Variants in CCDC172 observed in about 807,000 individuals in gnomAD.
CCDC172 encodes the protein coiled-coil domain containing 172.
In CCDC172, 30 loss-of-function variants were observed where a neutral mutation model predicts 38.0. The ratio of observed to expected loss-of-function variants is 0.79; its 90% CI spans 0.59 to 1.07. The LOEUF (loss-of-function observed/expected upper bound fraction) is 1.07, where lower values mean the gene tolerates loss of function less well. Ranked by LOEUF, CCDC172 falls within the 50% of genes least tolerant of loss-of-function variation. The pLI is 0.00. For missense variants in CCDC172, 297 were observed against 290.1 expected (o/e 1.02, Z -0.17); for synonymous variants, 78 against 88.3 (o/e 0.88, Z 0.66).
chr10:116,374,806 C>G, intron 7 of CCDC172, among the ~76,000 whole-genome samples: 1 of 150,524 alleles, frequency 6.6e-6, no homozygotes, highest in Non-Finnish European at 1.5e-5. Context: ...AAGTAAAAGA[C>G]AGATTATTAC....
intron 3 of CCDC172, among the ~76,000 whole-genome samples, chr10:116,332,515 A>T (rs1295104564): frequency 6.6e-6 from 1 of 152,116 alleles, no homozygotes; most frequent in Non-Finnish European, 1.5e-5. Flanking sequence ...TCACACTTGC[A>T]TGGAAACTTG....
intron 3 of CCDC172, among the ~76,000 whole-genome samples, chr10:116,337,294 C>T (rs182007878): frequency 5.3e-5 from 8 of 152,020 alleles, no homozygotes; most frequent in Admixed American, 1.3e-4. Context: ...GCTGGGATTA[C>T]GGGTGCCCCC....
At chr10:116,363,746 G>A (rs1845090733) in intron 7 of CCDC172, among the ~76,000 whole-genome samples, 1 of 152,048 alleles carries the variant, frequency 6.6e-6, no homozygotes, top group East Asian at 1.9e-4. Context: ...AGACTGGCCT[G>A]GCCAACATGG....
intron 3 of CCDC172, among the ~76,000 whole-genome samples, chr10:116,329,587 G>A (rs1844632480): frequency 6.6e-6 from 1 of 152,092 alleles, no homozygotes; most frequent in Non-Finnish European, 1.5e-5. Flanking sequence ...CTTAAAGTGT[G>A]ATCTCTGAGT....
intron 5 of CCDC172, among the ~76,000 whole-genome samples, chr10:116,353,311 G>A (rs1327994561): frequency 2.6e-5 from 4 of 152,092 alleles, no homozygotes; most frequent in African/African-American, 4.8e-5. Context: ...GAAAATACGG[G>A]TGTAACTCTT....
intron 3 of CCDC172, among the ~76,000 whole-genome samples, chr10:116,340,459 C>G (rs1380390000): frequency 6.6e-6 from 1 of 151,612 alleles, no homozygotes; most frequent in East Asian, 1.9e-4. Flanking sequence ...AAGAATTCTT[C>G]TAGGTATTGA....
intron 3 of CCDC172, among the ~76,000 whole-genome samples, chr10:116,340,316 A>C (rs1844776412): frequency 6.6e-6 from 1 of 151,938 alleles, no homozygotes; most frequent in African/African-American, 2.4e-5. Context: ...TTATTTTATT[A>C]GTTATATTAT....
intron 7 of CCDC172, 59 bp from the exon 8 acceptor site, chr10:116,378,364 G>A: frequency 6.8e-7 from 1 of 1,480,986 alleles, no homozygotes. Flanking sequence ...CCCTCTCTGT[G>A]CAGTAATACA....
Position 116,325,064 on chromosome 10 carries a change from A to G in CCDC172, c.53A>G (p.Glu18Gly), listed in dbSNP as rs1844573491. The change falls in exon 2 of 9, where the codon GAG becomes GGG. Residue 18 changes from glutamate (E) to glycine (G), a missense_variant. Coordinates refer to ENST00000333254, the MANE Select transcript of CCDC172 (RefSeq NM_198515.3). ...ATCATCTTCACCGAGCATCAGGCGG[A>G]GGAGAGTCGCCGTTTGATGCGAGAA... Reference protein sequence around the residue: ...QHIIFTEHQAEESRRLMREVR... With the variant: ...QHIIFTEHQAGESRRLMREVR... The G allele has an allele frequency of 6.2e-7, 1 of 1,614,022 alleles. No homozygotes were observed. The highest frequency in any genetic ancestry group is 2.2e-5 in the East Asian group (1 of 44,854).
At chr10:116,344,322 C>T (rs1007444781) in intron 5 of CCDC172, among the ~76,000 whole-genome samples, 4 of 152,138 alleles carry the variant, frequency 2.6e-5, no homozygotes, top group African/African-American at 9.7e-5. Flanking sequence ...TATTACACAC[C>T]TGGGCTATAT....
chr10:116,350,256 G>A (rs1181297248), intron 5 of CCDC172, among the ~76,000 whole-genome samples: 1 of 152,170 alleles, frequency 6.6e-6, no homozygotes, highest in Non-Finnish European at 1.5e-5. Flanking sequence ...ACACAGTTAA[G>A]GGAGGTAAAA....
chr10:116,334,678 G>A (rs1844708439), intron 3 of CCDC172, among the ~76,000 whole-genome samples: 1 of 151,870 alleles, frequency 6.6e-6, no homozygotes, highest in South Asian at 2.1e-4. Flanking sequence ...TCATTGCAGT[G>A]ATAACTGTAT....
chr10:116,366,366 T>C (rs912526372), intron 7 of CCDC172, among the ~76,000 whole-genome samples: 7 of 152,162 alleles, frequency 4.6e-5, no homozygotes, highest in African/African-American at 1.7e-4. Flanking sequence ...TTTACTTGTG[T>C]ATATATAATT....
At chr10:116,336,621 A>G (rs1032670872) in intron 3 of CCDC172, among the ~76,000 whole-genome samples, 1 of 152,088 alleles carries the variant, frequency 6.6e-6, no homozygotes, top group Non-Finnish European at 1.5e-5. Context: ...AGTCATAATA[A>G]TGATATATTT....
At chr10:116,356,105 G>A (rs184619280) in intron 5 of CCDC172, among the ~76,000 whole-genome samples, 3,497 of 152,110 alleles carry the variant, frequency 0.023, 49 homozygotes, top group Admixed American at 0.036. Context: ...GGCCGAGGCA[G>A]GCAGAACACG....
chr10:116,361,979 G>A lies in CCDC172; in HGVS notation c.653+4041G>A, dbSNP rs531585116. Among the ~76,000 whole-genome samples the A allele has an allele frequency of 2.0e-5, 3 of 152,216 alleles. No individual in the cohort carries two copies. In the East Asian group the frequency reaches 5.8e-4, roughly 29 times the overall value. On this transcript the variant is annotated intron_variant, in intron 7 of 8. Coordinates refer to ENST00000333254, the MANE Select transcript of CCDC172 (RefSeq NM_198515.3). ...CAACGGGGGCAGATCACGAGGTCAGGAGATTGAGACCATCCTGGCTAACAT... is the reference window on the plus strand; with the variant it reads ...CAACGGGGGCAGATCACGAGGTCAGAAGATTGAGACCATCCTGGCTAACAT...
At chr10:116,340,586 A>C (rs1333730788) in intron 3 of CCDC172, 148 bp from the exon 4 acceptor site, 13 of 541,142 alleles carry the variant, frequency 2.4e-5, no homozygotes, top group Admixed American at 7.5e-5. Context: ...GTGTATATAA[A>C]ATAAGATGTT....
intron 3 of CCDC172, among the ~76,000 whole-genome samples, chr10:116,330,622 T>C (rs1844650180): frequency 6.6e-6 from 1 of 152,162 alleles, no homozygotes; most frequent in Non-Finnish European, 1.5e-5. Flanking sequence ...GCACAATCAT[T>C]TCCAACTACA....
intron 5 of CCDC172, among the ~76,000 whole-genome samples, chr10:116,357,154 AT>A (rs1845007392): frequency 6.6e-6 from 1 of 152,036 alleles, no homozygotes; most frequent in African/African-American, 2.4e-5. Flanking sequence ...TACCATTGGA[AT>A]TTTCATGGGG....
Sources: allele counts gnomAD v4.1 joint callset (sites outside exome capture counted in the v4.1 genomes callset), GRCh38; gene constraint gnomAD v4.1.1; transcripts MANE v1.5; gene names NCBI Gene and HGNC (gene_info 2026-07-23, HGNC 2026-07-21).